Variants in FHIT observed in about 807,000 individuals in gnomAD.
The protein encoded by FHIT is fragile histidine triad diadenosine triphosphatase, also known as bis(5'-adenosyl)-triphosphatase.
A neutral mutation model predicts 17.9 loss-of-function variants in FHIT; 19 were observed. That is an observed-to-expected ratio of 1.06 (90% CI 0.74 to 1.56). The LOEUF (loss-of-function observed/expected upper bound fraction) is 1.56. Ranked by LOEUF, FHIT falls within the 40% of genes most tolerant of loss-of-function variation. The pLI is 0.00. For missense variants in FHIT, 248 were observed against 189.2 expected (o/e 1.31, Z -1.82); for synonymous variants, 81 against 69.7 (o/e 1.16, Z -0.81).
intron 5 of FHIT, among the ~76,000 whole-genome samples, chr3:60,454,599 T>C (rs2031969520): frequency 6.6e-6 from 1 of 152,084 alleles, no homozygotes; most frequent in Non-Finnish European, 1.5e-5. Flanking sequence ...TTAGCCAGGA[T>C]GGTCTCAATC....
At chr3:60,854,555 A>ATTTTTTTTTTT (rs35428632) in intron 3 of FHIT, among the ~76,000 whole-genome samples, 1 of 138,510 alleles carries the variant, frequency 7.2e-6, no homozygotes, top group Non-Finnish European at 1.5e-5. Flanking sequence ...GCCTACTTCT[A>ATTTTTTTTTTT]TTTTTTTTTT....
intron 7 of FHIT, among the ~76,000 whole-genome samples, chr3:60,000,478 A>C (rs1699685856): frequency 1.3e-5 from 2 of 152,182 alleles, no homozygotes; most frequent in Non-Finnish European, 2.9e-5. Flanking sequence ...AATGTTTACT[A>C]TCTGGCCTTT....
chr3:60,065,497 C>G (rs1352661646), intron 5 of FHIT, among the ~76,000 whole-genome samples: 1 of 152,154 alleles, frequency 6.6e-6, no homozygotes, highest in Non-Finnish European at 1.5e-5. Context: ...TGTTTGAGAT[C>G]ATAAAGCTCT....
chr3:60,022,749 C>G (rs1349751436), intron 5 of FHIT, among the ~76,000 whole-genome samples: 1 of 152,146 alleles, frequency 6.6e-6, no homozygotes, highest in Non-Finnish European at 1.5e-5. Flanking sequence ...TTTTGGCTGC[C>G]ACCAGGGAGG....
At chr3:60,359,275 A>ATTT (rs1576533605) in intron 5 of FHIT, among the ~76,000 whole-genome samples, 2 of 138,580 alleles carry the variant, frequency 1.4e-5, no homozygotes, top group Non-Finnish European at 1.6e-5. Context: ...ATATGAAAAT[A>ATTT]TCTTTTTTTT....
intron 5 of FHIT, among the ~76,000 whole-genome samples, chr3:60,490,356 T>C (rs1206130093): frequency 7.2e-5 from 11 of 152,296 alleles, no homozygotes; most frequent in Admixed American, 3.9e-4. Context: ...TGTGCACATC[T>C]GTTATAGGTA....
Position 60,757,495 on chromosome 3 carries a change from G to T in FHIT, c.-18+64424C>A, listed in dbSNP as rs540398411. Among the ~76,000 whole-genome samples the T allele has an allele frequency of 3.3e-5, 5 of 152,338 alleles. No homozygotes were observed. The South Asian group carries it at 1.0e-3, about 32-fold the overall frequency. On this transcript the variant is annotated intron_variant, in intron 4 of 9. Coordinates refer to ENST00000492590, the MANE Select transcript of FHIT (RefSeq NM_002012.4). Reference sequence around the variant, plus strand: ...GAGGACAGGAAGGGCCTCCTTAGGTGATTGTGTCTAAATGAGTCAAGCATG... The same window carrying T: ...GAGGACAGGAAGGGCCTCCTTAGGTTATTGTGTCTAAATGAGTCAAGCATG...
chr3:60,532,840 G>A (rs2035836515), intron 5 of FHIT, among the ~76,000 whole-genome samples: 2 of 152,160 alleles, frequency 1.3e-5, no homozygotes, highest in African/African-American at 4.8e-5. Context: ...AGTGAGCAAA[G>A]TCATAAGAAA....
intron 5 of FHIT, among the ~76,000 whole-genome samples, chr3:60,434,628 A>G (rs1324140796): frequency 6.6e-6 from 1 of 152,062 alleles, no homozygotes; most frequent in Admixed American, 6.6e-5. Context: ...ACAAATTCAA[A>G]CTGTCTTTTC....
chr3:60,339,839 T>C (rs558106474), intron 5 of FHIT, among the ~76,000 whole-genome samples: 3 of 152,312 alleles, frequency 2.0e-5, no homozygotes, highest in Admixed American at 6.5e-5. Flanking sequence ...ACCTTGTTGC[T>C]ATGCACGCTC....
At chr3:60,231,335 A>G (rs1441716236) in intron 5 of FHIT, among the ~76,000 whole-genome samples, 2 of 152,218 alleles carry the variant, frequency 1.3e-5, no homozygotes, top group African/African-American at 2.4e-5. Context: ...ACACATATAC[A>G]TATAAATTCA....
intron 3 of FHIT, among the ~76,000 whole-genome samples, chr3:60,949,747 G>A (rs917067571): frequency 6.6e-6 from 1 of 151,996 alleles, no homozygotes; most frequent in African/African-American, 2.4e-5. Context: ...TATTTACGTC[G>A]TTGTTATTTG....
At chr3:60,859,644 T>C (rs782819349) in intron 3 of FHIT, among the ~76,000 whole-genome samples, 4 of 148,832 alleles carry the variant, frequency 2.7e-5, no homozygotes, top group Non-Finnish European at 4.4e-5. Context: ...AGCTACAGGA[T>C]GGAAAGAACC....
intron 4 of FHIT, among the ~76,000 whole-genome samples, chr3:60,777,077 T>C (rs1433485169): frequency 6.6e-6 from 1 of 152,248 alleles, no homozygotes; most frequent in African/African-American, 2.4e-5. Context: ...AGGTTTTCGC[T>C]TCTTCAAAAT....
intron 3 of FHIT, among the ~76,000 whole-genome samples, chr3:60,929,026 T>C (rs544925366): frequency 1.3e-5 from 2 of 152,276 alleles, no homozygotes; most frequent in Admixed American, 6.5e-5. Context: ...CATGATCAAG[T>C]TGGCTTCATT....
At chr3:60,482,739 A>G (rs1226048352) in intron 5 of FHIT, among the ~76,000 whole-genome samples, 1 of 152,156 alleles carries the variant, frequency 6.6e-6, no homozygotes, top group East Asian at 1.9e-4. Flanking sequence ...AAGATCTCAA[A>G]TCAACACCCT....
chr3:61,079,992 T>A (rs917215981), intron 2 of FHIT, among the ~76,000 whole-genome samples: 6 of 152,166 alleles, frequency 3.9e-5, no homozygotes, highest in African/African-American at 1.4e-4. Context: ...AATAAATTTT[T>A]AAATTAAAAT....
At chr3:60,004,100 C>T (rs1415760056) in intron 7 of FHIT, among the ~76,000 whole-genome samples, 1 of 152,086 alleles carries the variant, frequency 6.6e-6, no homozygotes, top group African/African-American at 2.4e-5. Context: ...GGCCTTACTA[C>T]ATCAACAAAG....
chr3:60,937,962 G>A (rs1230208182), intron 3 of FHIT, among the ~76,000 whole-genome samples: 2 of 152,066 alleles, frequency 1.3e-5, no homozygotes, highest in African/African-American at 4.8e-5. Flanking sequence ...CTGGAACAAG[G>A]GGGTCCCAGC....
Sources: gnomAD v4.1 joint callset for allele counts (sites outside exome capture counted in the v4.1 genomes callset) on GRCh38, gnomAD v4.1.1 for gene constraint, MANE v1.5 for transcripts, NCBI Gene and HGNC (gene_info 2026-07-23, HGNC 2026-07-21) for gene names.